EYA1: variants seen among roughly 807,000 people sequenced by gnomAD.
The protein encoded by EYA1 is EYA transcriptional coactivator and phosphatase 1.
Under a neutral mutation model 82.0 loss-of-function variants are expected in EYA1, and 16 were observed. That is an observed-to-expected ratio of 0.20 (90% CI 0.13 to 0.30). The LOEUF is 0.30. Among genes scored for constraint, EYA1 ranks in the 10% least tolerant of loss-of-function variants. EYA1 has a pLI of 1.00. For missense variants in EYA1, 633 were observed against 730.7 expected, an observed-to-expected ratio of 0.87 and a Z score of 1.54; for synonymous variants, 261 against 264.4, an observed-to-expected ratio of 0.99 and a Z score of 0.12.
chr8:71,206,694 T>TAAA (rs397892667), intron 17 of EYA1, among the ~76,000 whole-genome samples: 1 of 152,050 alleles, frequency 6.6e-6, no homozygotes, highest in Non-Finnish European at 1.5e-5. Flanking sequence ...GAGGATTTAA[T>TAAA]GAGAAAAATG....
At chr8:71,225,736 A>G (rs1279866582) in intron 12 of EYA1, among the ~76,000 whole-genome samples, 2 of 152,220 alleles carry the variant, frequency 1.3e-5, no homozygotes, top group Non-Finnish European at 2.9e-5. Flanking sequence ...AATTTCAGAA[A>G]CCAAAAAGAG....
In EYA1 at chr8:71,441,234, A is replaced by G. The variant is rs149682124; in HGVS notation, c.34-84723T>C. Among the ~76,000 whole-genome samples, 381 of 152,320 alleles carry G rather than the reference A, an allele frequency of 2.5e-3. 3 individuals carry two copies. The highest frequency in any genetic ancestry group is 8.9e-3 in the African/African-American group (371 of 41,574). ...TATGATCTGCTTTTGAGTCACTTAC[A>G]TAAATAAGACAATTAAAACCACCCC... On this transcript the variant is annotated intron_variant, in intron 2 of 18. Coordinates refer to the EYA1 transcript ENST00000643681.
At chr8:71,309,688 C>T (rs1821121558) in intron 7 of EYA1, among the ~76,000 whole-genome samples, 1 of 152,158 alleles carries the variant, frequency 6.6e-6, no homozygotes, top group African/African-American at 2.4e-5. Flanking sequence ...ATGGTTCAGG[C>T]GTACATTTGA....
intron 2 of EYA1, among the ~76,000 whole-genome samples, chr8:71,414,705 A>C (rs1830768922): frequency 1.3e-5 from 2 of 152,236 alleles, no homozygotes; most frequent in Non-Finnish European, 2.9e-5. Flanking sequence ...AAGTAAGCCA[A>C]GTCACATGGG....
chr8:71,418,341 G>T (rs1174921379), intron 2 of EYA1, among the ~76,000 whole-genome samples: 1 of 152,140 alleles, frequency 6.6e-6, no homozygotes, highest in Non-Finnish European at 1.5e-5. Flanking sequence ...TCATCCCTGA[G>T]CTCAGAGTCC....
intron 4 of EYA1, 95 bp downstream of exon 4, chr8:71,334,002 T>C (rs1289617711): frequency 4.7e-6 from 4 of 847,910 alleles, no homozygotes; most frequent in Non-Finnish European, 8.2e-6. Flanking sequence ...TATATACACA[T>C]ATACATGTAT....
chr8:71,333,661 T>C (rs942592345), intron 4 of EYA1, among the ~76,000 whole-genome samples: 8 of 152,186 alleles, frequency 5.3e-5, no homozygotes, highest in Non-Finnish European at 1.5e-5. Flanking sequence ...ACAGAGTCTA[T>C]TTAATTTAGA....
rs13266905 is a variant in EYA1 at position 71,376,264 on chromosome 8, T to C, written c.34-19753A>G. ...GTTCAAAGGGAGAAAGCTTAGCAAG[T>C]AGGAGGGAAGAAAGAAATGCGGATA... On this transcript the variant is annotated intron_variant, in intron 2 of 18. Coordinates refer to the EYA1 transcript ENST00000643681. Among the ~76,000 whole-genome samples the C allele has an allele frequency of 9.3e-3, 1,416 of 151,882 alleles. 16 individuals carry two copies. The highest frequency in any genetic ancestry group is 0.015 in the Non-Finnish European group (1,043 of 67,924).
intron 4 of EYA1, among the ~76,000 whole-genome samples, chr8:71,330,563 A>G (rs1823722096): frequency 6.6e-6 from 1 of 152,058 alleles, no homozygotes; most frequent in Non-Finnish European, 1.5e-5. Context: ...ACTCCCCCAC[A>G]TTATTCATGA....
intron 2 of EYA1, among the ~76,000 whole-genome samples, chr8:71,495,160 AT>A (rs1218134236): frequency 2.0e-5 from 3 of 152,248 alleles, no homozygotes; most frequent in African/African-American, 7.2e-5. Flanking sequence ...ATTCCATAAA[AT>A]TTCCTGCTAT....
chr8:71,323,272 C>G (rs10464909), intron 4 of EYA1, among the ~76,000 whole-genome samples: 10,096 of 151,774 alleles, frequency 0.067, 832 homozygotes, highest in East Asian at 0.44. Flanking sequence ...ATGCATATTC[C>G]TTGGGGGCAA....
chr8:71,386,742 A>G (rs917710423), intron 2 of EYA1, among the ~76,000 whole-genome samples: 1 of 152,344 alleles, frequency 6.6e-6, no homozygotes, highest in East Asian at 1.9e-4. Context: ...GAATCACAGA[A>G]TGGGTACAGA....
chr8:71,377,891 TC>T (rs1828466470), intron 2 of EYA1, among the ~76,000 whole-genome samples: 1 of 152,196 alleles, frequency 6.6e-6, no homozygotes, highest in Non-Finnish European at 1.5e-5. Context: ...TGCTGTACAT[TC>T]CCTCTTTGAA....
intron 16 of EYA1, 109 bp downstream of exon 16, chr8:71,215,278 T>A (rs1809039076): frequency 1.1e-5 from 11 of 1,007,702 alleles, no homozygotes; most frequent in Non-Finnish European, 1.5e-5. Flanking sequence ...TTGTATTTTT[T>A]TTTTGACCTA....
At chr8:71,315,419 C>T (rs1031603246) in intron 7 of EYA1, among the ~76,000 whole-genome samples, 7 of 152,204 alleles carry the variant, frequency 4.6e-5, no homozygotes, top group African/African-American at 1.7e-4. Context: ...CTGGGCAGGG[C>T]ACTTCACTTG....
At chr8:71,520,745 TTAAAGCAGTTGAGA>T (rs1813335666) in intron 2 of EYA1, among the ~76,000 whole-genome samples, 1 of 152,146 alleles carries the variant, frequency 6.6e-6, no homozygotes, top group African/African-American at 2.4e-5. Context: ...ATCTAAGGGT[TTAAAGCAGTTGAGA>T]TAATGAAGTT....
intron 2 of EYA1, among the ~76,000 whole-genome samples, chr8:71,462,304 G>C (rs1342804397): frequency 2.6e-5 from 4 of 152,140 alleles, no homozygotes; most frequent in Non-Finnish European, 5.9e-5. Flanking sequence ...AAGGTGGCAG[G>C]GGACTGGCGT....
At chr8:71,256,774 T>C (rs112507305) in intron 11 of EYA1, among the ~76,000 whole-genome samples, 163 of 152,192 alleles carry the variant, frequency 1.1e-3, no homozygotes, top group Middle Eastern at 3.4e-3. Flanking sequence ...CCAAGGTGGG[T>C]GGATCACCTG....
chr8:71,390,073 T>C (rs1271655076), intron 2 of EYA1, among the ~76,000 whole-genome samples: 3 of 152,192 alleles, frequency 2.0e-5, no homozygotes, highest in Admixed American at 6.5e-5. Flanking sequence ...TAATGACTTA[T>C]ATGTTGATAG....
Sources: allele counts gnomAD v4.1 joint callset (sites outside exome capture counted in the v4.1 genomes callset), GRCh38; gene constraint gnomAD v4.1.1; transcripts MANE v1.5; gene names NCBI Gene and HGNC (gene_info 2026-07-23, HGNC 2026-07-21).